The following PHACTR2 variants were observed in gnomAD, a reference collection of about 807,000 sequenced individuals.
PHACTR2 encodes the protein phosphatase and actin regulator 2.
A neutral mutation model predicts 76.0 loss-of-function variants in PHACTR2; 30 were observed. That is an observed-to-expected ratio of 0.39 (90% CI 0.30 to 0.54). The LOEUF is 0.54. Ranked by LOEUF, PHACTR2 falls within the 20% of genes least tolerant of loss-of-function variation. PHACTR2 has a pLI of 0.61. For synonymous variants in PHACTR2, 292 were observed against 292.5 expected, an observed-to-expected ratio of 1.00 and a Z score of 0.02; for missense variants, 696 against 781.1, an observed-to-expected ratio of 0.89 and a Z score of 1.30.
rs150588993 is a variant in PHACTR2 at position 143,800,452 on chromosome 6, G to A, written c.1846-6605G>A. Among the ~76,000 whole-genome samples the A allele has an allele frequency of 8.6e-4, 130 of 152,030 alleles. No individual in the cohort carries two copies. Among genetic ancestry groups the A allele is most frequent in the African/African-American group, 3.0e-3 (125 of 41,482 alleles). On this transcript the variant is annotated intron_variant, in intron 11 of 12. Coordinates refer to ENST00000440869, the MANE Select transcript of PHACTR2 (RefSeq NM_001100164.2). This position sits in a 1 kb window ranked among gnomAD's most constrained non-coding sequence, Gnocchi z 4.8. ...AATTTTTTGTATTTTTAGTAGAGAC[G>A]GGGTTTCACTGTGTTAGCCAGGATG...
chr6:143,736,208 A>G (rs1424168600), intron 2 of PHACTR2, among the ~76,000 whole-genome samples: 1 of 152,254 alleles, frequency 6.6e-6, no homozygotes, highest in South Asian at 2.1e-4. Context: ...AGCCTGTGAT[A>G]CTATTTTAAA....
rs1777801652 is a variant in PHACTR2 at position 143,697,574 on chromosome 6, G to C, written c.47-14442G>C. On this transcript the variant is annotated intron_variant, in intron 1 of 12. Coordinates refer to ENST00000440869, the MANE Select transcript of PHACTR2 (RefSeq NM_001100164.2). The surrounding 1 kb of genome is among the most constrained non-coding windows in gnomAD (Gnocchi z 4.4). ...CTTACCTGAAAACTGTGTCAGCAATGTCTGTACCATTCTTATGAGTGTTAA... is the reference window on the plus strand; with the variant it reads ...CTTACCTGAAAACTGTGTCAGCAATCTCTGTACCATTCTTATGAGTGTTAA... Among the ~76,000 whole-genome samples the C allele has an allele frequency of 6.6e-6, 1 of 152,172 alleles. No individual in the cohort carries two copies. Among genetic ancestry groups the C allele is most frequent in the African/African-American group, 2.4e-5 (1 of 41,438 alleles).
intron 6 of PHACTR2, among the ~76,000 whole-genome samples, chr6:143,766,830 G>A (rs537019046): frequency 6.6e-6 from 1 of 152,280 alleles, no homozygotes; most frequent in Admixed American, 6.5e-5. Flanking sequence ...TATTAGCCCT[G>A]TCTCACGAGT....
chr6:143,687,178 C>G (rs574651969), intron 1 of PHACTR2, among the ~76,000 whole-genome samples: 2 of 152,216 alleles, frequency 1.3e-5, no homozygotes, highest in Admixed American at 1.3e-4. Context: ...TGGTCAGTGA[C>G]TAATATCCCA....
intron 2 of PHACTR2, among the ~76,000 whole-genome samples, chr6:143,741,295 C>G (rs546023556): frequency 6.6e-6 from 1 of 151,888 alleles, no homozygotes; most frequent in African/African-American, 2.4e-5. Flanking sequence ...GAGTTCAATA[C>G]CAGCCTGGCC....
intron 6 of PHACTR2, among the ~76,000 whole-genome samples, chr6:143,771,144 G>GTA (rs1185999309): frequency 0.24 from 7,491 of 30,586 alleles, 697 homozygotes; most frequent in Middle Eastern, 0.39. Flanking sequence ...ATATATATAT[G>GTA]TATATATATA....
At chr6:143,752,268 C>T (rs1779199154) in intron 3 of PHACTR2, among the ~76,000 whole-genome samples, 1 of 151,938 alleles carries the variant, frequency 6.6e-6, no homozygotes, top group South Asian at 2.1e-4. Context: ...ATTTGAGTTA[C>T]CTAAAAACTG....
At chr6:143,773,831 G>T (rs1373708225) in intron 7 of PHACTR2, among the ~76,000 whole-genome samples, 8 of 152,136 alleles carry the variant, frequency 5.3e-5, no homozygotes, top group Admixed American at 6.5e-5. Flanking sequence ...TTTTTTCATG[G>T]TGTCCCAATA....
Position 143,806,992 on chromosome 6 carries a change from G to T in PHACTR2, c.1846-65G>T. 2 of 804,620 alleles carry T rather than the reference G, an allele frequency of 2.5e-6. No homozygotes were observed. The highest frequency in any genetic ancestry group is 4.2e-6 in the Non-Finnish European group (2 of 481,110). 49.8% of individuals were successfully genotyped at this position (804,620 alleles called of 1,614,324 possible). A position where few individuals can be genotyped will look rare whatever the true frequency, so the allele number is the denominator to read the frequency against. Reference sequence around the variant, plus strand: ...AAAAAAGGTCTGCTTCATTGATGCTGTATATACTGGGGCAATATATGACCT... The same window carrying T: ...AAAAAAGGTCTGCTTCATTGATGCTTTATATACTGGGGCAATATATGACCT... On this transcript the variant is annotated intron_variant, in intron 11 of 12. Coordinates refer to ENST00000440869, the MANE Select transcript of PHACTR2 (RefSeq NM_001100164.2). The surrounding 1 kb of genome is among the most constrained non-coding windows in gnomAD (Gnocchi z 5.8).
rs904569583 is a variant in PHACTR2, at chr6:143,696,889, T to C, written c.47-15127T>C. On this transcript the variant is annotated intron_variant, in intron 1 of 12. Transcript: ENST00000440869. This position sits in a 1 kb window ranked among gnomAD's most constrained non-coding sequence, Gnocchi z 4.1. ...TTTGCTTCACAGTGGAAAGGTGAGA[T>C]AGGAGAGGTGGTGTGTTCTGTTTAA... Among the ~76,000 whole-genome samples the C allele has an allele frequency of 5.9e-4, 90 of 152,258 alleles. No homozygotes were observed. The highest frequency in any genetic ancestry group is 2.1e-3 in the African/African-American group (87 of 41,552).
In PHACTR2 at chr6:143,825,959, G is replaced by T. The variant is rs910778290; in HGVS notation, c.*2270G>T. On this transcript the variant is annotated 3_prime_UTR_variant, in exon 13 of 13. Transcript: ENST00000440869. This position sits in a 1 kb window ranked among gnomAD's most constrained non-coding sequence, Gnocchi z 4.1. ...CTGGTATTTCAAAATTGCATTTCTT[G>T]TATAATAGGTCAGATTTATTAACTA... The T allele has an allele frequency of 1.3e-5, 2 of 151,270 alleles. No individual in the cohort carries two copies. The highest frequency in any genetic ancestry group is 4.9e-5 in the African/African-American group (2 of 41,124). The allele number at this position is 151,270 out of a possible 1,614,324, so 9.4% of individuals were successfully genotyped here. A position where few individuals can be genotyped will look rare whatever the true frequency, so the allele number is the denominator to read the frequency against.
rs902235620 is a variant in PHACTR2 at position 143,823,961 on chromosome 6, A to C, written c.*272A>C. 14 of 329,060 alleles carry C rather than the reference A, an allele frequency of 4.3e-5. No individual in the cohort carries two copies. Among genetic ancestry groups the C allele is most frequent in the Non-Finnish European group, 6.6e-5 (12 of 180,532 alleles). The allele number at this position is 329,060 out of a possible 1,614,324, so 20.4% of individuals were successfully genotyped here. ...GTGGATATTCTTCATCAGAAGCTTT[A>C]ATCAAAGAAGATGAGCAGAAGACAA... On this transcript the variant is annotated 3_prime_UTR_variant, in exon 13 of 13. Transcript: ENST00000440869. The surrounding 1 kb of genome is among the most constrained non-coding windows in gnomAD (Gnocchi z 5.7).
intron 1 of PHACTR2, among the ~76,000 whole-genome samples, chr6:143,544,760 C>T (rs1262145207): frequency 1.3e-5 from 2 of 152,128 alleles, no homozygotes; most frequent in African/African-American, 4.8e-5. Context: ...ACTAGAGAGC[C>T]TGGTACACAC....
intron 2 of PHACTR2, among the ~76,000 whole-genome samples, chr6:143,723,954 T>C (rs1778500816): frequency 6.6e-6 from 1 of 152,124 alleles, no homozygotes; most frequent in Admixed American, 6.5e-5. Context: ...TCCGTTTTTT[T>C]CTTTTTTCTT....
intron 1 of PHACTR2, among the ~76,000 whole-genome samples, chr6:143,552,110 G>C (rs1206563903): frequency 5.9e-5 from 9 of 152,078 alleles, no homozygotes. Flanking sequence ...CATAGTAGTT[G>C]TTTATAAGGC....
At chr6:143,759,639 A>T (rs1347311605) in intron 4 of PHACTR2, among the ~76,000 whole-genome samples, 2 of 151,946 alleles carry the variant, frequency 1.3e-5, no homozygotes, top group Non-Finnish European at 2.9e-5. Flanking sequence ...AAAAAAAAAA[A>T]AAATTTTTTT....
intron 1 of PHACTR2, among the ~76,000 whole-genome samples, chr6:143,584,311 C>T (rs531661563): frequency 6.5e-4 from 99 of 152,190 alleles, no homozygotes; most frequent in Non-Finnish European, 1.0e-3. Flanking sequence ...CTTCATTTTG[C>T]GTCTCCGAGT....
intron 1 of PHACTR2, among the ~76,000 whole-genome samples, chr6:143,630,391 T>A (rs147497748): frequency 2.0e-4 from 31 of 151,992 alleles, no homozygotes; most frequent in African/African-American, 6.7e-4. Flanking sequence ...TTAAATACAA[T>A]TGTAGAATCT....
chr6:143,675,741 A>G (rs7738603), upstream of PHACTR2, among the ~76,000 whole-genome samples: 6,617 of 152,294 alleles, frequency 0.043, 463 homozygotes, highest in African/African-American at 0.15. This position sits in a 1 kb window ranked among gnomAD's most constrained non-coding sequence, Gnocchi z 4.9. Flanking sequence ...GGTAGTATAC[A>G]GAGAAATGTC....
Sources: gnomAD v4.1 joint callset for allele counts (sites outside exome capture counted in the v4.1 genomes callset) on GRCh38, gnomAD v4.1.1 for gene constraint, Gnocchi (gnomAD v3.1) non-coding constraint, MANE v1.5 for transcripts, NCBI Gene and HGNC (gene_info 2026-07-23, HGNC 2026-07-21) for gene names.